Variants in USP14 observed in about 807,000 individuals in gnomAD.
USP14 encodes the protein ubiquitin specific peptidase 14, also known as ubiquitin carboxyl-terminal hydrolase 14.
Under a neutral mutation model 76.5 loss-of-function variants are expected in USP14, and 38 were observed. The observed-to-expected ratio is 0.50, with a 90% CI of 0.38 to 0.65. USP14 has a LOEUF of 0.65. Among genes scored for constraint, USP14 ranks in the 30% least tolerant of loss-of-function variants. USP14 has a pLI of 0.00. For missense variants in USP14, 467 were observed against 586.5 expected (o/e 0.80, Z 2.10); for synonymous variants, 192 against 191.7 (o/e 1.00, Z -0.01).
chr18:189,889 A>C (rs774225294), intron 5 of USP14, among the ~76,000 whole-genome samples: 1 of 152,228 alleles, frequency 6.6e-6, no homozygotes, highest in African/African-American at 2.4e-5. Context: ...AAATAAAGGC[A>C]GAACCCTTCT....
intron 1 of USP14, among the ~76,000 whole-genome samples, chr18:162,490 C>T (rs1444042460): frequency 6.6e-6 from 1 of 152,154 alleles, no homozygotes; most frequent in East Asian, 1.9e-4. Flanking sequence ...AGAAATGACA[C>T]TTTTCAATTC....
rs752678365 is a variant in USP14 at position 178,929 on chromosome 18, A to C, written c.196-4A>C. The C allele has an allele frequency of 6.3e-7, 1 of 1,591,418 alleles. No homozygotes were observed. Among genetic ancestry groups the C allele is most frequent in the East Asian group, 2.2e-5 (1 of 44,678 alleles). The stretch of plus-strand genomic sequence containing the variant: ...TTTCATGAAATTACTTTTTTTAAAA[A>C]CAGGGAATGACTCTACTAATGATGG... On this transcript the variant is annotated splice_region_variant and splice_polypyrimidine_tract_variant and intron_variant, in intron 3 of 15. Transcript: ENST00000261601.
In USP14 at chr18:213,590, A is replaced by C. The variant is rs569763732; in HGVS notation, c.*2306A>C. 1 of 152,566 alleles carries C rather than the reference A, an allele frequency of 6.6e-6. No homozygotes were observed. The highest frequency in any genetic ancestry group is 1.5e-5 in the Non-Finnish European group (1 of 68,034). 9.5% of individuals were successfully genotyped at this position (152,566 alleles called of 1,614,324 possible). A position where few individuals can be genotyped will look rare whatever the true frequency, so the allele number is the denominator to read the frequency against. ...CACTCACACCGAGGCCATCATCTCAACATTAGAGTTGTGCTAGATTACTGC... is the reference window on the plus strand; with the variant it reads ...CACTCACACCGAGGCCATCATCTCACCATTAGAGTTGTGCTAGATTACTGC... On this transcript the variant is annotated 3_prime_UTR_variant, in exon 16 of 16. Coordinates refer to ENST00000261601, the MANE Select transcript of USP14 (RefSeq NM_005151.4).
In USP14 at chr18:203,083, A is replaced by G. The variant is rs752682677; in HGVS notation, c.943-15A>G. On this transcript the variant is annotated splice_polypyrimidine_tract_variant and intron_variant, in intron 11 of 15. Transcript: ENST00000261601. The stretch of plus-strand genomic sequence containing the variant: ...TTTTGATGTAATGGGATTTCTTTAC[A>G]TTTTGTCTCCTCAGTCCAAGATCAG... 2 of 1,611,914 alleles carry G rather than the reference A, an allele frequency of 1.2e-6. No individual in the cohort carries two copies. The highest frequency in any genetic ancestry group is 1.7e-6 in the Non-Finnish European group (2 of 1,179,370).
chr18:185,213 G>A (rs1377756389), intron 5 of USP14, among the ~76,000 whole-genome samples: 1 of 151,806 alleles, frequency 6.6e-6, no homozygotes, highest in Non-Finnish European at 1.5e-5. Context: ...AGGCTGCAGT[G>A]CAGTGGTGCG....
intron 8 of USP14, 65 bp downstream of exon 8, chr18:197,761 T>C (rs1243868209): frequency 2.2e-6 from 3 of 1,340,674 alleles, no homozygotes; most frequent in Admixed American, 1.9e-5. Flanking sequence ...TTATTTTTTT[T>C]CCCCTCAAAG....
intron 3 of USP14, among the ~76,000 whole-genome samples, chr18:174,715 C>T (rs1314497180): frequency 6.6e-6 from 1 of 151,904 alleles, no homozygotes; most frequent in Admixed American, 6.6e-5. Context: ...AGGGGTTCTC[C>T]CACCTCACCC....
At chr18:159,415 G>T (rs367681523) in intron 1 of USP14, among the ~76,000 whole-genome samples, 21 of 152,270 alleles carry the variant, frequency 1.4e-4, no homozygotes, top group African/African-American at 5.1e-4. Context: ...GACAGTCCAG[G>T]GTACTGGCCA....
In USP14 at chr18:213,459, A is replaced by AATT. The variant is rs1734535036; in HGVS notation, c.*2176_*2177insTTA. On this transcript the variant is annotated 3_prime_UTR_variant, in exon 16 of 16. Transcript: ENST00000261601. ...TATACCAGTGTTGTTTTTAACTAAT[A>AATT]AGGCTATTTTAGAATTCAGCCTTGC... is the stretch of plus-strand genomic sequence containing the variant. 6.6e-6 allele frequency: 1 copy of AATT among 152,532 alleles called. No individual in the cohort carries two copies. 9.4% of individuals were successfully genotyped at this position (152,532 alleles called of 1,614,324 possible).
intron 6 of USP14, among the ~76,000 whole-genome samples, chr18:195,113 A>C (rs1910195865): frequency 6.6e-6 from 1 of 150,882 alleles, no homozygotes; most frequent in African/African-American, 2.4e-5. Context: ...AGTCTCTTTT[A>C]ATCTATATTT....
intron 5 of USP14, among the ~76,000 whole-genome samples, chr18:189,491 G>GT (rs36067290): frequency 0.012 from 1,786 of 147,154 alleles, 13 homozygotes; most frequent in African/African-American, 0.019. Flanking sequence ...TTTTTTCTTT[G>GT]TTTTTTTTTT....
chr18:206,895 A>G (rs1910544001), intron 13 of USP14, among the ~76,000 whole-genome samples: 1 of 152,118 alleles, frequency 6.6e-6, no homozygotes, highest in Non-Finnish European at 1.5e-5. Flanking sequence ...TGCCCAGTCC[A>G]TGCCCTCAGA....
chr18:179,004 A>C lies in USP14; in HGVS notation c.267A>C (p.Val89=), dbSNP rs781066381. ...PEEPSAKTVF[V]EDMTEEQLAS... The stretch of plus-strand genomic sequence containing the variant: ...AACCCTCAGCCAAAACTGTCTTCGT[A>C]GAAGACATGACAGAAGAACAGTTAG... Residue 89 remains valine, a synonymous_variant, in exon 4 of 16, where the codon GTA becomes GTC. Coordinates refer to ENST00000261601, the MANE Select transcript of USP14 (RefSeq NM_005151.4). The C allele has an allele frequency of 6.2e-7, 1 of 1,613,118 alleles. No homozygotes were observed. The highest frequency in any genetic ancestry group is 8.5e-7 in the Non-Finnish European group (1 of 1,179,502).
At chr18:180,991 T>C (rs479140) in intron 5 of USP14, among the ~76,000 whole-genome samples, 177 of 133,822 alleles carry the variant, frequency 1.3e-3, no homozygotes, top group Non-Finnish European at 1.9e-3. Context: ...GGTTCATTCA[T>C]GTTACAGCAC....
In USP14 at chr18:210,461, G is replaced by A. The variant is rs1263928143; in HGVS notation, c.1301G>A (p.Gly434Asp). Residue 434 changes from glycine to aspartate, a missense_variant, in exon 15 of 16, where the codon GGT becomes GAT. By Grantham distance (94) the Gly-to-Asp change is moderately conservative. Transcript: ENST00000261601. ...CACCAGGGAAGGTCTAGTTCTTCAG[G>A]TCATTATGTATCATGGGTGAAAAGG... ...LTHQGRSSSS[G>D]HYVSWVKRKQ... 6.2e-7 allele frequency: 1 copy of A among 1,611,034 alleles called. No homozygotes were observed. The highest frequency in any genetic ancestry group is 8.5e-7 in the Non-Finnish European group (1 of 1,178,344).
Position 214,171 on chromosome 18 carries a change from G to A in USP14, c.*2887G>A, listed in dbSNP as rs1165014502. 2 of 157,952 alleles carry A rather than the reference G, an allele frequency of 1.3e-5. No homozygotes were observed. The highest frequency in any genetic ancestry group is 1.9e-4 in the East Asian group (1 of 5,350). 9.8% of individuals were successfully genotyped at this position (157,952 alleles called of 1,614,324 possible). On this transcript the variant is annotated 3_prime_UTR_variant, in exon 16 of 16. Coordinates refer to ENST00000261601, the MANE Select transcript of USP14 (RefSeq NM_005151.4). The stretch of plus-strand genomic sequence containing the variant: ...AGTACAATTTTAATGATCAAGACTC[G>A]TGGCAGGCAGAACAAACCATCATTT...
rs1236200860 is a variant in USP14, at chr18:192,914, A to G, written c.463+14A>G. ...ATATTACTGCAGGTTTGTATACTAAATATACTACTTTTTGATAGGAGTAAG... is the reference window on the plus strand; with the variant it reads ...ATATTACTGCAGGTTTGTATACTAAGTATACTACTTTTTGATAGGAGTAAG... On this transcript the variant is annotated intron_variant, in intron 6 of 15. Coordinates refer to ENST00000261601, the MANE Select transcript of USP14 (RefSeq NM_005151.4). 1 of 1,607,426 alleles carries G rather than the reference A, an allele frequency of 6.2e-7. No individual in the cohort carries two copies.
At chr18:182,927 T>C (rs988760430) in intron 5 of USP14, among the ~76,000 whole-genome samples, 1 of 152,194 alleles carries the variant, frequency 6.6e-6, no homozygotes, top group Non-Finnish European at 1.5e-5. Context: ...CTTGAAGTCG[T>C]TTTTAAGAAG....
At chr18:163,608 G>T (rs1454990186) in intron 2 of USP14, among the ~76,000 whole-genome samples, 155 bp downstream of exon 2, 2 of 152,154 alleles carry the variant, frequency 1.3e-5, no homozygotes, top group African/African-American at 2.4e-5. Context: ...TCTTATGCCT[G>T]TTAGAGTAAG....
Sources: allele counts gnomAD v4.1 joint callset (sites outside exome capture counted in the v4.1 genomes callset), GRCh38; gene constraint gnomAD v4.1.1; transcripts MANE v1.5; gene names NCBI Gene and HGNC (gene_info 2026-07-23, HGNC 2026-07-21).